The following LIMS1 variants were observed in gnomAD, a reference collection of about 807,000 sequenced individuals.
LIMS1 encodes LIM zinc finger domain containing 1.
Under a neutral mutation model 44.1 loss-of-function variants are expected in LIMS1, and 18 were observed. The ratio of observed to expected loss-of-function variants is 0.41; its 90% confidence interval spans 0.28 to 0.61. The LOEUF (loss-of-function observed/expected upper bound fraction) is 0.61, where lower values mean the gene tolerates loss of function less well. Ranked by LOEUF, LIMS1 falls within the 20% of genes least tolerant of loss-of-function variation. The pLI is 0.32. For missense variants in LIMS1, 201 were observed against 422.0 expected (o/e 0.48, Z 4.59); for synonymous variants, 93 against 149.1 (o/e 0.62, Z 2.74).
chr2:108,552,534 T>TTA (rs924913341), intron 1 of LIMS1, among the ~76,000 whole-genome samples: 1 of 146,322 alleles, frequency 6.8e-6, no homozygotes, highest in African/African-American at 2.5e-5. Flanking sequence ...TCTTATATAT[T>TTA]TATATATATA....
chr2:108,631,678 C>A lies in LIMS1; in HGVS notation c.33-27927C>A, dbSNP rs769238024. On this transcript the variant is annotated intron_variant, in intron 1 of 9. Transcript: ENST00000544547. ...TGTCCCTAGTGGAAGAACATGTCAACCTGGATGTTGTCACACAGACTCCAG... is the reference window on the plus strand; with the variant it reads ...TGTCCCTAGTGGAAGAACATGTCAAACTGGATGTTGTCACACAGACTCCAG... Among the ~76,000 whole-genome samples, 196 of 152,166 alleles carry A rather than the reference C, an allele frequency of 1.3e-3. 1 individual carries two copies. The highest frequency in any genetic ancestry group is 1.8e-3 in the Admixed American group (27 of 15,274).
chr2:108,565,463 C>T (rs997505075), intron 1 of LIMS1, among the ~76,000 whole-genome samples: 23 of 152,102 alleles, frequency 1.5e-4, no homozygotes, highest in African/African-American at 4.3e-4. Context: ...ATAATTCTAT[C>T]TTGAAAGACA....
intron 1 of LIMS1, among the ~76,000 whole-genome samples, chr2:108,647,584 A>G (rs1159928866): frequency 6.6e-6 from 1 of 152,230 alleles, no homozygotes; most frequent in Non-Finnish European, 1.5e-5. Context: ...TAGCAAACGG[A>G]ATCCAGCAGC....
At chr2:108,639,740 C>G (rs1018988400) in intron 1 of LIMS1, among the ~76,000 whole-genome samples, 2 of 152,326 alleles carry the variant, frequency 1.3e-5, no homozygotes, top group Admixed American at 1.3e-4. Context: ...CGTGAGTCAC[C>G]GTGCCCAGCC....
intron 1 of LIMS1, among the ~76,000 whole-genome samples, chr2:108,537,419 C>T (rs1047096003): frequency 2.0e-5 from 3 of 152,210 alleles, no homozygotes; most frequent in African/African-American, 7.2e-5. Context: ...GTAGTTTTGG[C>T]TAGTTTTAGT....
At chr2:108,658,816 C>A (rs1485075223) in intron 1 of LIMS1, among the ~76,000 whole-genome samples, 2 of 152,306 alleles carry the variant, frequency 1.3e-5, no homozygotes, top group African/African-American at 4.8e-5. Flanking sequence ...CCTGTCATGT[C>A]CTTTCAAGTG....
intron 1 of LIMS1, among the ~76,000 whole-genome samples, chr2:108,590,378 G>C (rs1686321055): frequency 6.6e-6 from 1 of 152,138 alleles, no homozygotes; most frequent in Admixed American, 6.5e-5. Flanking sequence ...ATTTTAATTT[G>C]GTCTTTTAGT....
At chr2:108,572,577 G>T (rs112876355) in intron 1 of LIMS1, among the ~76,000 whole-genome samples, 1,849 of 151,980 alleles carry the variant, frequency 0.012, 45 homozygotes, top group African/African-American at 0.043. Flanking sequence ...GTACAGACAG[G>T]GTTTCACTAT....
intron 8 of LIMS1, among the ~76,000 whole-genome samples, chr2:108,680,396 G>A (rs535775000): frequency 3.8e-5 from 5 of 130,940 alleles, no homozygotes; most frequent in African/African-American, 1.3e-4. Flanking sequence ...AATTAGCCAG[G>A]TGTAGTGGCA....
At chr2:108,538,607 G>T (rs1253956848) in intron 1 of LIMS1, among the ~76,000 whole-genome samples, 2 of 152,172 alleles carry the variant, frequency 1.3e-5, no homozygotes, top group Non-Finnish European at 2.9e-5. Context: ...CAGACAACAT[G>T]CATTTACAAG....
At chr2:108,573,320 T>TTTC (rs1553454111) in intron 1 of LIMS1, among the ~76,000 whole-genome samples, 21 of 150,558 alleles carry the variant, frequency 1.4e-4, no homozygotes, top group Admixed American at 4.0e-4. Context: ...TTTTTTTTTT[T>TTTC]CTACTGGGTA....
At chr2:108,607,553 G>A (rs1037029938) in intron 1 of LIMS1, among the ~76,000 whole-genome samples, 3 of 152,160 alleles carry the variant, frequency 2.0e-5, no homozygotes, top group African/African-American at 2.4e-5. Flanking sequence ...TACCATGGGC[G>A]GAGTTCCATT....
chr2:108,570,129 A>C (rs932077432), intron 1 of LIMS1, among the ~76,000 whole-genome samples: 5 of 152,038 alleles, frequency 3.3e-5, no homozygotes, highest in African/African-American at 9.7e-5. Flanking sequence ...AAAGGAAATC[A>C]AGACATTATA....
intron 1 of LIMS1, among the ~76,000 whole-genome samples, chr2:108,549,279 C>CTTTTTTTTTTTTTTTTTTTTTTTTTT (rs71381966): frequency 1.8e-5 from 1 of 55,784 alleles, no homozygotes; most frequent in Non-Finnish European, 3.1e-5. Flanking sequence ...TAAAGTGTTT[C>CTTTTTTTTTTTTTTTTTTTTTTTTTT]TTTTTTTTTT....
intron 1 of LIMS1, among the ~76,000 whole-genome samples, chr2:108,555,778 A>G (rs1684907150): frequency 1.3e-5 from 2 of 152,216 alleles, no homozygotes; most frequent in African/African-American, 4.8e-5. Flanking sequence ...TGTGTGCTGG[A>G]CTGTGGGGTG....
intron 1 of LIMS1, among the ~76,000 whole-genome samples, chr2:108,648,686 A>G (rs894580863): frequency 2.0e-4 from 31 of 152,344 alleles, no homozygotes; most frequent in Middle Eastern, 3.4e-3. Flanking sequence ...CCACACATCT[A>G]CAACCATCTG....
intron 1 of LIMS1, chr2:108,621,485 T>TA: frequency 6.6e-7 from 1 of 1,519,416 alleles, no homozygotes; most frequent in Non-Finnish European, 8.9e-7. Context: ...CATGGTTGGC[T>TA]AAAGGTCAAG....
intron 9 of LIMS1, chr2:108,681,555 T>C (rs930222016): frequency 1.0e-6 from 1 of 960,614 alleles, no homozygotes; most frequent in African/African-American, 1.8e-5. Flanking sequence ...CTTGCCACGA[T>C]CATTTAATTG....
At chr2:108,600,110 C>T (rs558708770) in intron 1 of LIMS1, among the ~76,000 whole-genome samples, 88 of 150,782 alleles carry the variant, frequency 5.8e-4, no homozygotes, top group Admixed American at 2.1e-3. Context: ...AGTGCTGTGA[C>T]GCAATCTCTG....
Sources: allele counts gnomAD v4.1 joint callset (sites outside exome capture counted in the v4.1 genomes callset), GRCh38; gene constraint gnomAD v4.1.1; transcripts MANE v1.5; gene names NCBI Gene and HGNC (gene_info 2026-07-23, HGNC 2026-07-21).